The following OSBPL6 variants were observed in gnomAD, a reference collection of about 807,000 sequenced individuals.
The protein encoded by OSBPL6 is oxysterol-binding protein-related protein 6.
Under a neutral mutation model 125.8 loss-of-function variants are expected in OSBPL6, and 49 were observed. That is an observed-to-expected ratio of 0.39 (90% confidence interval 0.31 to 0.49). The LOEUF is 0.49. Ranked by LOEUF, OSBPL6 falls within the 20% of genes least tolerant of loss-of-function variation. The probability of loss-of-function intolerance (pLI) is 0.88; values close to 1 mark genes in which losing one functional copy is unlikely to be tolerated. For missense variants in OSBPL6, 986 were observed against 1,135.4 expected (o/e 0.87, Z 1.89); for synonymous variants, 394 against 391.8 (o/e 1.01, Z -0.07).
At chr2:178,251,300 C>T (rs570392738) in intron 1 of OSBPL6, among the ~76,000 whole-genome samples, 16 of 151,896 alleles carry the variant, frequency 1.1e-4, no homozygotes, top group South Asian at 2.1e-4. Context: ...AGTTTTCATT[C>T]GGTAAGCCGT....
At chr2:178,277,247 A>T (rs1574719584) in intron 1 of OSBPL6, among the ~76,000 whole-genome samples, 1 of 152,338 alleles carries the variant, frequency 6.6e-6, no homozygotes, top group East Asian at 1.9e-4. Context: ...TTTCTGTAAT[A>T]TTTATTCTTT....
chr2:178,341,999 AT>A (rs1043644543), intron 11 of OSBPL6, among the ~76,000 whole-genome samples: 1 of 152,038 alleles, frequency 6.6e-6, no homozygotes, highest in Admixed American at 6.6e-5. Flanking sequence ...ATAGCATCTA[AT>A]TTTACTCTAG....
At chr2:178,320,639 A>G (rs1688156208) in intron 3 of OSBPL6, among the ~76,000 whole-genome samples, 1 of 152,234 alleles carries the variant, frequency 6.6e-6, no homozygotes, top group Non-Finnish European at 1.5e-5. Context: ...GAAAAGTACA[A>G]AAATTATACC....
chr2:178,210,338 T>TA (rs1017063159), intron 1 of OSBPL6, among the ~76,000 whole-genome samples: 16 of 143,932 alleles, frequency 1.1e-4, no homozygotes, highest in Admixed American at 6.8e-4. Flanking sequence ...ATTTGACAGT[T>TA]AAAAAAAATC....
chr2:178,328,085 G>C (rs556848154), intron 4 of OSBPL6, among the ~76,000 whole-genome samples, 171 bp from the exon 5 acceptor site: 1 of 152,322 alleles, frequency 6.6e-6, no homozygotes, highest in East Asian at 1.9e-4. Context: ...TTTAACTGAA[G>C]TTAAAAGTGC....
intron 1 of OSBPL6, among the ~76,000 whole-genome samples, chr2:178,263,792 C>T (rs776082772): frequency 1.4e-5 from 2 of 142,354 alleles, no homozygotes; most frequent in South Asian, 4.9e-4. Context: ...GGCAGAGACA[C>T]TCAACTGTGT....
chr2:178,273,516 G>A (rs1009253962), intron 1 of OSBPL6, among the ~76,000 whole-genome samples: 1 of 151,974 alleles, frequency 6.6e-6, no homozygotes, highest in Non-Finnish European at 1.5e-5. Flanking sequence ...GGAGGTGGAG[G>A]CTGCAGTGAG....
intron 1 of OSBPL6, among the ~76,000 whole-genome samples, chr2:178,215,853 G>A (rs1197153769): frequency 2.6e-5 from 4 of 152,140 alleles, no homozygotes; most frequent in Non-Finnish European, 5.9e-5. Flanking sequence ...TTTAGTTCTG[G>A]GGCAGGTGAA....
intron 1 of OSBPL6, among the ~76,000 whole-genome samples, chr2:178,224,081 A>G (rs2090452203): frequency 6.6e-6 from 1 of 152,150 alleles, no homozygotes; most frequent in African/African-American, 2.4e-5. Context: ...CTGTCCTTGG[A>G]GTAGCAGTGA....
intron 1 of OSBPL6, among the ~76,000 whole-genome samples, chr2:178,211,141 C>A (rs571049764): frequency 6.6e-6 from 1 of 152,118 alleles, no homozygotes; most frequent in East Asian, 1.9e-4. Context: ...TGTGGTGGTG[C>A]GCGCCTGTAG....
intron 1 of OSBPL6, among the ~76,000 whole-genome samples, chr2:178,259,181 C>T (rs1289994507): frequency 6.6e-6 from 1 of 152,148 alleles, no homozygotes; most frequent in Admixed American, 6.5e-5. Context: ...AGATGCTTCT[C>T]CACCGTGCTT....
chr2:178,385,208 C>T (rs1480921494), intron 18 of OSBPL6, among the ~76,000 whole-genome samples: 1 of 151,854 alleles, frequency 6.6e-6, no homozygotes. Flanking sequence ...ACATTCTGCA[C>T]ATGTATCCCA....
At chr2:178,354,071 G>C (rs1691544522) in intron 12 of OSBPL6, among the ~76,000 whole-genome samples, 1 of 152,148 alleles carries the variant, frequency 6.6e-6, no homozygotes, top group East Asian at 1.9e-4. Context: ...TGCCTTACAT[G>C]AGCTCCTGAA....
chr2:178,295,121 A>G (rs768723272), intron 2 of OSBPL6, among the ~76,000 whole-genome samples: 4 of 152,154 alleles, frequency 2.6e-5, no homozygotes, highest in Non-Finnish European at 4.4e-5. Context: ...ATTTGCAAGC[A>G]TAAAGTATCT....
At position 178,225,480 on chromosome 2, in the gene OSBPL6, G is replaced by T. The variant is rs527472083; in HGVS notation, c.-351+30806G>T. ...GGTAGTGTCTGGATTTCAGACCCTT[G>T]AGTTTGTTCAGATGTTCTCTAGTGA... On this transcript the variant is annotated intron_variant, in intron 1 of 24. Coordinates refer to ENST00000190611, the MANE Select transcript of OSBPL6 (RefSeq NM_032523.4). 1.1e-4 allele frequency among the ~76,000 whole-genome samples: 17 copies of T among 152,240 alleles called. No individual in the cohort carries two copies. The East Asian group carries it at 1.5e-3, about 14-fold the overall frequency.
chr2:178,359,065 A>G (rs1381597491), intron 12 of OSBPL6, among the ~76,000 whole-genome samples: 1 of 152,136 alleles, frequency 6.6e-6, no homozygotes, highest in Admixed American at 6.6e-5. Flanking sequence ...AGTCCTAGCT[A>G]CTCGAGAGGC....
At chr2:178,388,340 G>A (rs1423426018) in intron 20 of OSBPL6, among the ~76,000 whole-genome samples, 3 of 152,182 alleles carry the variant, frequency 2.0e-5, no homozygotes, top group Admixed American at 2.0e-4. Flanking sequence ...TCTTTCTTCA[G>A]TGCACACTCT....
chr2:178,317,266 G>T (rs1046975969), intron 3 of OSBPL6, among the ~76,000 whole-genome samples: 1 of 151,050 alleles, frequency 6.6e-6, no homozygotes, highest in East Asian at 1.9e-4. Flanking sequence ...AATAAAATTA[G>T]AAGTTAAATG....
chr2:178,353,452 C>A (rs931794832), intron 12 of OSBPL6, among the ~76,000 whole-genome samples: 2 of 151,914 alleles, frequency 1.3e-5, no homozygotes, highest in Non-Finnish European at 2.9e-5. Flanking sequence ...TGATGCATGC[C>A]CAAGCTTCAG....
Sources: allele counts gnomAD v4.1 joint callset (sites outside exome capture counted in the v4.1 genomes callset), GRCh38; gene constraint gnomAD v4.1.1; transcripts MANE v1.5; gene names NCBI Gene and HGNC (gene_info 2026-07-23, HGNC 2026-07-21).